Variants in MOV10 observed in about 807,000 individuals in gnomAD.
MOV10 encodes RNA helicase MOV-10.
A neutral mutation model predicts 108.4 loss-of-function variants in MOV10; 39 were observed. The observed-to-expected ratio is 0.36, with a 90% CI of 0.28 to 0.47. The LOEUF (loss-of-function observed/expected upper bound fraction) is 0.47, where lower values mean the gene tolerates loss of function less well. Among genes scored for constraint, MOV10 ranks in the 20% least tolerant of loss-of-function variants. The probability of loss-of-function intolerance (pLI) is 1.00; values close to 1 mark genes in which losing one functional copy is unlikely to be tolerated. For missense variants in MOV10, 952 were observed against 1,297.6 expected, an observed-to-expected ratio of 0.73 and a Z score of 4.09; for synonymous variants, 490 against 523.1, an observed-to-expected ratio of 0.94 and a Z score of 0.86.
Position 112,696,772 on chromosome 1 carries a change from C to T in MOV10, c.2124C>T (p.Thr708=), listed in dbSNP as rs1271734175. The change falls in exon 14 of 21, where the codon ACC becomes ACT. Residue 708 remains threonine, a synonymous_variant. Transcript: ENST00000369645. ...ACTCACTGCTGGAGCGGCTGCTCAC[C>T]TACAACTCCCTGTACAAGAAGGGCC... ...LGYSLLERLL[T]YNSLYKKGPD... 1 of 1,605,460 alleles carries T rather than the reference C, an allele frequency of 6.2e-7. No homozygotes were observed. The highest frequency in any genetic ancestry group is 8.5e-7 in the Non-Finnish European group (1 of 1,175,798).
intron 14 of MOV10, 90 bp from the exon 15 acceptor site, chr1:112,697,904 G>T: frequency 3.8e-6 from 4 of 1,041,678 alleles, no homozygotes; most frequent in Non-Finnish European, 6.0e-6. Flanking sequence ...GCAGGCTATT[G>T]TGTGTGGGCC....
chr1:112,690,120 G>GC (rs1219712148), intron 5 of MOV10, 22 bp downstream of exon 5: 2 of 1,608,640 alleles, frequency 1.2e-6, no homozygotes, highest in African/African-American at 2.7e-5. Flanking sequence ...CTCCAACTCA[G>GC]CCCTGGCTGG....
chr1:112,682,051 A>G (rs973268885), intron 2 of MOV10, among the ~76,000 whole-genome samples: 2 of 152,072 alleles, frequency 1.3e-5, no homozygotes, highest in Non-Finnish European at 2.9e-5. Context: ...ATGCGCCACC[A>G]TGCCCAGCTA....
At chr1:112,681,321 G>A (rs1432071487) in intron 2 of MOV10, among the ~76,000 whole-genome samples, 1 of 151,878 alleles carries the variant, frequency 6.6e-6, no homozygotes, top group Non-Finnish European at 1.5e-5. Flanking sequence ...GCGAAACCCC[G>A]TCTCTACTAA....
Position 112,675,021 on chromosome 1 carries a change from A to G in MOV10, c.109A>G (p.Thr37Ala). Residue 37 changes from threonine (T) to alanine (A), a missense_variant, in exon 2 of 21, where the codon ACC (threonine) becomes GCC (alanine). Thr to Ala is a moderately conservative substitution (Grantham distance 58). Coordinates refer to ENST00000369645, the MANE Select transcript of MOV10 (RefSeq NM_001321324.2). The surrounding 1 kb of genome is among the most constrained non-coding windows in gnomAD (Gnocchi z 4.7). ...DMETDRERLR[T>A]IYNRDFKISF... ...GGAGACAGATCGCGAGCGGCTGCGG[A>G]CCATTTATAACCGCGACTTCAAGAT... 1 of 1,585,462 alleles carries G rather than the reference A, an allele frequency of 6.3e-7. No homozygotes were observed.
In MOV10 at chr1:112,698,760, C is replaced by T. The variant is rs1224497182; in HGVS notation, c.2554C>T (p.Arg852Ter). Residue 852 changes from arginine (R) to a stop codon, truncating the protein, a stop_gained, in exon 17 of 21, where the codon CGA becomes TGA. Transcript: ENST00000369645. LOFTEE classifies it high-confidence loss of function. ...YCITKLDREL[R>*]GLDDIKDLKV... ...CATCACCAAACTTGACAGGGAGCTTCGAGGACTGGATGACATCAAGGACTT... is the reference window on the plus strand; with the variant it reads ...CATCACCAAACTTGACAGGGAGCTTTGAGGACTGGATGACATCAAGGACTT... 1 of 1,614,216 alleles carries T rather than the reference C, an allele frequency of 6.2e-7. No homozygotes were observed. The highest frequency in any genetic ancestry group is 1.3e-5 in the African/African-American group (1 of 75,062).
Position 112,696,192 on chromosome 1 carries a change from C to G in MOV10, c.1824C>G (p.Pro608=), listed in dbSNP as rs369052873. 1.9e-6 allele frequency: 3 copies of G among 1,613,980 alleles called. No individual in the cohort carries two copies. The highest frequency in any genetic ancestry group is 2.5e-6 in the Non-Finnish European group (3 of 1,179,956). ...WDAKKGEYVF[P]AKKKLQEYRV... is the part of the protein sequence containing the mutation. ...CAAAGAAGGGGGAGTATGTATTTCC[C>G]GCCAAGAAGAAGCTGCAGGAATACC... Residue 608 remains proline, a synonymous_variant, in exon 12 of 21, where the codon CCC becomes CCG. Transcript: ENST00000369645.
At chr1:112,685,688 T>TAAAATAAAATAAAATAAAATAAAATAG (rs1557756011) in intron 2 of MOV10, among the ~76,000 whole-genome samples, 1 of 119,412 alleles carries the variant, frequency 8.4e-6, no homozygotes, top group African/African-American at 2.9e-5. Flanking sequence ...AAATAAAATA[T>TAAAATAAAATAAAATAAAATAAAATAG]AAAATAAAAT....
rs760496818 is a variant in MOV10, at chr1:112,691,657, T to C, written c.837-8T>C. ...GGTTTTCTGTGTTTTCTTCCCTCGA[T>C]TCTGCAGCGCTAAGGGCTATGACCT... is the stretch of plus-strand genomic sequence containing the variant. On this transcript the variant is annotated splice_polypyrimidine_tract_variant and splice_region_variant and intron_variant, in intron 5 of 20. Coordinates refer to ENST00000369645, the MANE Select transcript of MOV10 (RefSeq NM_001321324.2). 6 of 1,612,326 alleles carry C rather than the reference T, an allele frequency of 3.7e-6. No homozygotes were observed. Among genetic ancestry groups the C allele is most frequent in the Admixed American group, 3.3e-5 (2 of 59,900 alleles).
intron 2 of MOV10, among the ~76,000 whole-genome samples, chr1:112,680,094 ATGCTATCTTTT>A (rs1472275069): frequency 6.6e-6 from 1 of 152,112 alleles, no homozygotes; most frequent in East Asian, 1.9e-4. Flanking sequence ...GCATTCATAC[ATGCTATCTTTT>A]GTAGCCATTC....
intron 10 of MOV10, 136 bp downstream of exon 10, chr1:112,695,032 G>A (rs773602224): frequency 9.9e-5 from 108 of 1,094,026 alleles, no homozygotes; most frequent in Non-Finnish European, 1.2e-4. Flanking sequence ...GGTAGGGGCC[G>A]GGTGCAGTGG....
In MOV10 at chr1:112,696,523, T is replaced by C; in HGVS notation, c.1970T>C (p.Val657Ala). Residue 657 changes from valine to alanine, a missense_variant, in exon 13 of 21, where the codon GTA becomes GCA. Physicochemically the swap from Val to Ala is moderately conservative, Grantham distance 64. Coordinates refer to ENST00000369645, the MANE Select transcript of MOV10 (RefSeq NM_001321324.2). ...AGHCMEPESL[V>A]AIAGLMEVKE... The stretch of plus-strand genomic sequence containing the variant: ...CACTGCATGGAGCCTGAGAGTCTGG[T>C]AGCTATAGCAGGTGAGGGACTCAGG... The C allele has an allele frequency of 6.2e-7, 1 of 1,613,730 alleles. No individual in the cohort carries two copies. Among genetic ancestry groups the C allele is most frequent in the Non-Finnish European group, 8.5e-7 (1 of 1,179,662 alleles).
intron 2 of MOV10, among the ~76,000 whole-genome samples, chr1:112,685,653 CAATAA>C (rs141836635): frequency 0.037 from 5,124 of 139,204 alleles, 109 homozygotes; most frequent in Non-Finnish European, 0.044. Context: ...GATTCCGTCT[CAATAA>C]AATAAAATAA....
chr1:112,694,318 G>A lies in MOV10; in HGVS notation c.1296-135G>A. On this transcript the variant is annotated intron_variant, in intron 8 of 20. Coordinates refer to ENST00000369645, the MANE Select transcript of MOV10 (RefSeq NM_001321324.2). The surrounding 1 kb of genome is among the most constrained non-coding windows in gnomAD (Gnocchi z 4.1). ...AGGGGTACCCTGAGATGCTACGGCA[G>A]CTTCCTCTTCTAGAGAACTTGCATA... The A allele has an allele frequency of 7.1e-7, 1 of 1,410,934 alleles. No homozygotes were observed. Among genetic ancestry groups the A allele is most frequent in the Non-Finnish European group, 9.8e-7 (1 of 1,016,686 alleles). 87.4% of individuals were successfully genotyped at this position (1,410,934 alleles called of 1,614,324 possible).
rs1321440579 is a variant in MOV10, at chr1:112,696,160, T to G, written c.1792T>G (p.Trp598Gly). The change falls in exon 12 of 21, where the codon TGG becomes GGG. Residue 598 changes from tryptophan to glycine, a missense_variant. Trp to Gly is a radical substitution (Grantham distance 184). Transcript: ENST00000369645. Reference sequence around the variant, plus strand: ...TCACAATCCACAGCCCTGCTGCAACTGGGACGCAAAGAAGGGGGAGTATGT... The same window carrying G: ...TCACAATCCACAGCCCTGCTGCAACGGGGACGCAAAGAAGGGGGAGTATGT... ...VPEDIKPCCN[W>G]DAKKGEYVFP... The G allele has an allele frequency of 1.2e-6, 2 of 1,612,960 alleles. No individual in the cohort carries two copies. The highest frequency in any genetic ancestry group is 1.7e-6 in the Non-Finnish European group (2 of 1,179,468).
chr1:112,686,896 C>G (rs1273238926), intron 2 of MOV10: 3 of 456,406 alleles, frequency 6.6e-6, no homozygotes, highest in Middle Eastern at 3.3e-4. Context: ...CACTGCCTTG[C>G]TCAGGCCTTT....
At position 112,674,984 on chromosome 1, in the gene MOV10, G is replaced by C. The variant is rs1315490734; in HGVS notation, c.72G>C (p.Arg24=). The change falls in exon 2 of 21, where the codon CGG becomes CGC. Residue 24 remains arginine, a synonymous_variant. Transcript: ENST00000369645. ...GQCFESFLVV[R]GLDMETDRER... ...GTTTCGAGAGTTTCCTGGTCGTTCG[G>C]GGACTGGACATGGAGACAGATCGCG... The C allele has an allele frequency of 6.3e-7, 1 of 1,583,290 alleles. No homozygotes were observed. Among genetic ancestry groups the C allele is most frequent in the Non-Finnish European group, 8.6e-7 (1 of 1,165,856 alleles).
In MOV10 at chr1:112,696,774, A is replaced by C. The variant is rs778199324; in HGVS notation, c.2126A>C (p.Tyr709Ser). Reference protein sequence around the residue: ...GYSLLERLLTYNSLYKKGPDG... With the variant: ...GYSLLERLLTSNSLYKKGPDG... ...TCACTGCTGGAGCGGCTGCTCACCT[A>C]CAACTCCCTGTACAAGAAGGGCCCT... is the stretch of plus-strand genomic sequence containing the variant. The change falls in exon 14 of 21, where the codon TAC becomes TCC. Residue 709 changes from tyrosine to serine, a missense_variant. Around this residue, in one of 5 missense-constraint regions of MOV10, gnomAD observed 453 missense variants for 611.5 expected, o/e 0.74. Transcript: ENST00000369645. 4.4e-6 allele frequency: 7 copies of C among 1,605,766 alleles called. No homozygotes were observed. In the South Asian group the frequency reaches 7.8e-5, roughly 18 times the overall value.
At chr1:112,685,648 C>T (rs867662082) in intron 2 of MOV10, among the ~76,000 whole-genome samples, 4 of 112,590 alleles carry the variant, frequency 3.6e-5, no homozygotes, top group Admixed American at 2.1e-4. Context: ...AGCAAGATTC[C>T]GTCTCAATAA....
Sources: gnomAD v4.1 joint callset for allele counts (sites outside exome capture counted in the v4.1 genomes callset) on GRCh38, gnomAD v4.1.1 for gene constraint, gnomAD v4.1.1 regional missense constraint, Gnocchi (gnomAD v3.1) non-coding constraint, MANE v1.5 for transcripts, NCBI Gene and HGNC (gene_info 2026-07-23, HGNC 2026-07-21) for gene names.